Variants in SNX29 observed in about 807,000 individuals in gnomAD.
SNX29 encodes sorting nexin-29.
Under a neutral mutation model 102.1 loss-of-function variants are expected in SNX29, and 78 were observed. The observed-to-expected ratio is 0.76, with a 90% CI of 0.64 to 0.92. The LOEUF is 0.92. Among genes scored for constraint, SNX29 ranks in the 40% least tolerant of loss-of-function variants. The pLI is 0.00. For synonymous variants in SNX29, 580 were observed against 414.5 expected (o/e 1.40, Z -4.85); for missense variants, 1,280 against 1,061.7 (o/e 1.21, Z -2.86).
chr16:12,489,882 C>G (rs977023620), intron 19 of SNX29, among the ~76,000 whole-genome samples: 1 of 152,054 alleles, frequency 6.6e-6, no homozygotes, highest in Non-Finnish European at 1.5e-5. Flanking sequence ...CTTGGCTCAC[C>G]GCAACCTCTA....
Position 12,129,654 on chromosome 16 carries a change from T to C in SNX29, c.1491T>C (p.Gly497=). The C allele has an allele frequency of 6.2e-7, 1 of 1,611,046 alleles. No homozygotes were observed. The highest frequency in any genetic ancestry group is 2.2e-4 in the Middle Eastern group (1 of 4,452). ...ENRSLRNLLD[G]EMEHSAALRQ... is the part of the protein sequence containing the mutation. ...GATCACTGCGAAACCTGCTCGACGG[T>C]GAGATGGAGCACTCAGCCGCGCTCC... is the stretch of plus-strand genomic sequence containing the variant. Residue 497 remains glycine (G), a synonymous_variant, in exon 13 of 21, where the codon GGT becomes GGC. Coordinates refer to ENST00000566228, the MANE Select transcript of SNX29 (RefSeq NM_032167.5).
At chr16:12,475,886 A>G (rs1444026371) in intron 18 of SNX29, among the ~76,000 whole-genome samples, 1 of 152,232 alleles carries the variant, frequency 6.6e-6, no homozygotes, top group Non-Finnish European at 1.5e-5. Context: ...AATTTGGCCC[A>G]TGGGCCATAG....
At chr16:12,008,521 G>A (rs764870526) in intron 3 of SNX29, among the ~76,000 whole-genome samples, 9 of 151,892 alleles carry the variant, frequency 5.9e-5, no homozygotes, top group African/African-American at 1.7e-4. Flanking sequence ...CTCCCGCCTC[G>A]GCCTCCCAAA....
Position 12,403,575 on chromosome 16 carries a change from C to T in SNX29, c.2037+46C>T, listed in dbSNP as rs375948113. 9.2e-5 allele frequency: 142 copies of T among 1,540,010 alleles called. 2 individuals carry two copies. In the South Asian group the frequency reaches 9.7e-4, roughly 11 times the overall value. On this transcript the variant is annotated intron_variant, in intron 18 of 20. Transcript: ENST00000566228. ...TGGACATCACAGCTGGGTGGAAAAA[C>T]GCCCATTTGTCATGCTGTGGTGCTT... is the stretch of plus-strand genomic sequence containing the variant.
chr16:12,075,194 C>T (rs761299830), intron 10 of SNX29, among the ~76,000 whole-genome samples: 1 of 152,190 alleles, frequency 6.6e-6, no homozygotes, highest in Non-Finnish European at 1.5e-5. Context: ...CAGCTTTGTT[C>T]CGTTGCTGGT....
In SNX29 at chr16:12,523,368, C is replaced by T. The variant is rs369589930; in HGVS notation, c.2179-1334C>T. On this transcript the variant is annotated intron_variant, in intron 19 of 20. Transcript: ENST00000566228. Reference sequence around the variant, plus strand: ...GTGTTCTGTGAGGTTGGAATGACCCCGTTCCTCCACTGCCTTCTCTCAGCT... The same window carrying T: ...GTGTTCTGTGAGGTTGGAATGACCCTGTTCCTCCACTGCCTTCTCTCAGCT... Among the ~76,000 whole-genome samples, 8 of 152,230 alleles carry T rather than the reference C, an allele frequency of 5.3e-5. No homozygotes were observed. In the East Asian group the frequency reaches 9.6e-4, roughly 18 times the overall value.
At chr16:12,565,095 C>T (rs756708122) in intron 20 of SNX29, among the ~76,000 whole-genome samples, 2 of 152,074 alleles carry the variant, frequency 1.3e-5, no homozygotes, top group Non-Finnish European at 2.9e-5. Context: ...GGGTCGTCTT[C>T]TCTTCTGAGT....
At chr16:12,559,051 C>G (rs911844329) in intron 20 of SNX29, among the ~76,000 whole-genome samples, 6 of 152,158 alleles carry the variant, frequency 3.9e-5, no homozygotes, top group African/African-American at 1.2e-4. Flanking sequence ...CACATCGTAA[C>G]TGCAATGTAG....
chr16:12,074,886 A>C (rs570928579), intron 10 of SNX29, among the ~76,000 whole-genome samples: 55 of 151,768 alleles, frequency 3.6e-4, no homozygotes, highest in African/African-American at 1.2e-3. Context: ...TTTTCTCTCA[A>C]ATTCCCTTCT....
intron 13 of SNX29, among the ~76,000 whole-genome samples, chr16:12,141,713 A>G (rs1238147735): frequency 6.6e-6 from 1 of 152,206 alleles, no homozygotes; most frequent in Non-Finnish European, 1.5e-5. Flanking sequence ...TGTCCTTAGC[A>G]TGCTTATGCA....
chr16:12,255,852 ACT>A (rs976872237), intron 14 of SNX29, among the ~76,000 whole-genome samples: 3 of 152,056 alleles, frequency 2.0e-5, no homozygotes, highest in Admixed American at 6.5e-5. Context: ...CAGATAAATA[ACT>A]CTTCGACATA....
chr16:12,409,853 T>C (rs1402024790), intron 18 of SNX29, among the ~76,000 whole-genome samples: 4 of 152,210 alleles, frequency 2.6e-5, no homozygotes, highest in African/African-American at 2.4e-5. Context: ...CAGTCTTCCA[T>C]GTGGGATAAA....
At chr16:12,128,766 A>C (rs2054329806) in intron 12 of SNX29, among the ~76,000 whole-genome samples, 1 of 152,062 alleles carries the variant, frequency 6.6e-6, no homozygotes, top group African/African-American at 2.4e-5. Context: ...TTTTGCTTAT[A>C]TCCTGATGTC....
chr16:12,209,955 G>C (rs1026833277), intron 14 of SNX29, among the ~76,000 whole-genome samples: 1 of 152,198 alleles, frequency 6.6e-6, no homozygotes. Context: ...CTCTGGAGAC[G>C]AATTCGTTTG....
chr16:12,478,809 T>C (rs1682420992), intron 19 of SNX29, among the ~76,000 whole-genome samples: 1 of 152,178 alleles, frequency 6.6e-6, no homozygotes, highest in South Asian at 2.1e-4. Flanking sequence ...ATTGAATCGA[T>C]CTGAAGGGAG....
At chr16:12,126,514 A>G in intron 11 of SNX29, 119 bp from the exon 12 acceptor site, 1 of 1,022,698 alleles carries the variant, frequency 9.8e-7, no homozygotes. Context: ...TATTTTTGAA[A>G]GGGAAAAGGG....
At chr16:12,212,064 C>T (rs777123117) in intron 14 of SNX29, among the ~76,000 whole-genome samples, 53 of 152,024 alleles carry the variant, frequency 3.5e-4, no homozygotes, top group Non-Finnish European at 6.3e-4. Flanking sequence ...TTCTCTCAGA[C>T]GTGTTCTAGG....
rs913378439 is a variant in SNX29, at chr16:12,366,661, C to T, written c.1899+10382C>T. ...TCCCAGGAACTTTGGGCCTCTGCCA[C>T]CTGGGCTGTCTCTTATATTCTGCAT... On this transcript the variant is annotated intron_variant, in intron 16 of 20. Transcript: ENST00000566228. Among the ~76,000 whole-genome samples the T allele has an allele frequency of 2.0e-5, 3 of 152,194 alleles. No homozygotes were observed. In the East Asian group the frequency reaches 5.8e-4, roughly 29 times the overall value.
intron 19 of SNX29, among the ~76,000 whole-genome samples, chr16:12,523,816 C>T (rs1414498402): frequency 1.3e-5 from 2 of 152,198 alleles, no homozygotes; most frequent in African/African-American, 4.8e-5. Flanking sequence ...TGCCTGCCTT[C>T]TGGGGCCACG....
Sources: allele counts gnomAD v4.1 joint callset (sites outside exome capture counted in the v4.1 genomes callset), GRCh38; gene constraint gnomAD v4.1.1; transcripts MANE v1.5; gene names NCBI Gene and HGNC (gene_info 2026-07-23, HGNC 2026-07-21).